Variants in ABR observed in about 807,000 individuals in gnomAD.
ABR encodes the protein ABR activator of RhoGEF and GTPase, also known as active breakpoint cluster region-related protein.
ABR carries 35 observed loss-of-function variants against 107.2 expected under a neutral mutation model. That is an observed-to-expected ratio of 0.33 (90% confidence interval 0.25 to 0.43). The LOEUF is 0.43. Among genes scored for constraint, ABR ranks in the 20% least tolerant of loss-of-function variants. The probability of loss-of-function intolerance (pLI) is 1.00; values close to 1 mark genes in which losing one functional copy is unlikely to be tolerated. For synonymous variants in ABR, 498 were observed against 462.0 expected, an observed-to-expected ratio of 1.08 and a Z score of -1.00; for missense variants, 815 against 1,115.2, an observed-to-expected ratio of 0.73 and a Z score of 3.83.
chr17:1,092,576 C>T lies in ABR; in HGVS notation c.346-726G>A, dbSNP rs540613375. Among the ~76,000 whole-genome samples the T allele has an allele frequency of 1.3e-5, 2 of 152,234 alleles. No individual in the cohort carries two copies. The highest frequency in any genetic ancestry group is 2.1e-4 in the South Asian group (1 of 4,822). On this transcript the variant is annotated intron_variant, in intron 3 of 22. Coordinates refer to ENST00000302538, the MANE Select transcript of ABR (RefSeq NM_021962.5). This position sits in a 1 kb window ranked among gnomAD's most constrained non-coding sequence, Gnocchi z 4.6. ...ACACAGACCAACCCCCAGCACTGGC[C>T]GGGAGCTGATGCCATCACCTTCCAG...
In ABR at chr17:1,051,346, C is replaced by A. The variant is rs1195033134; in HGVS notation, c.1562-712G>T. On this transcript the variant is annotated intron_variant, in intron 14 of 22. Transcript: ENST00000302538. The surrounding 1 kb of genome is among the most constrained non-coding windows in gnomAD (Gnocchi z 4.3). ...TGTACCCGCAGTACCAAGAACAGGG[C>A]TGGGAACCCAGCTGGCACACGGTGA... Among the ~76,000 whole-genome samples the A allele has an allele frequency of 2.0e-5, 3 of 151,292 alleles. No homozygotes were observed. The highest frequency in any genetic ancestry group is 7.3e-5 in the African/African-American group (3 of 41,278).
rs2035257139 is a variant in ABR, at chr17:1,071,748, T to C, written c.894+866A>G. ...CGGCATCACACTGGCCAGAGGCAGG[T>C]GTCTGCATTCAAGAATGAGGCACCC... On this transcript the variant is annotated intron_variant, in intron 8 of 22. Transcript: ENST00000302538. This position sits in a 1 kb window ranked among gnomAD's most constrained non-coding sequence, Gnocchi z 5.1. Among the ~76,000 whole-genome samples, 2 of 152,222 alleles carry C rather than the reference T, an allele frequency of 1.3e-5. No individual in the cohort carries two copies. The highest frequency in any genetic ancestry group is 1.3e-4 in the Admixed American group (2 of 15,278).
chr17:1,034,902 G>T (rs760117962), intron 16 of ABR, among the ~76,000 whole-genome samples: 3 of 152,084 alleles, frequency 2.0e-5, no homozygotes, highest in Non-Finnish European at 4.4e-5. Context: ...CGTTCCCAAG[G>T]CCCGGCACTC....
chr17:1,216,847 G>C (rs889710530), intron 1 of ABR, among the ~76,000 whole-genome samples: 1 of 152,172 alleles, frequency 6.6e-6, no homozygotes, highest in African/African-American at 2.4e-5. Flanking sequence ...CTCACTGCCA[G>C]CCCACAAAGG....
intron 2 of ABR, among the ~76,000 whole-genome samples, chr17:1,102,112 G>T (rs2037938043): frequency 6.6e-6 from 1 of 152,144 alleles, no homozygotes; most frequent in Non-Finnish European, 1.5e-5. Context: ...TGAGCCACCT[G>T]CAGTGGCCCG....
At chr17:1,100,851 T>C in intron 2 of ABR, 116 bp from the exon 3 acceptor site, 1 of 969,110 alleles carries the variant, frequency 1.0e-6, no homozygotes, top group South Asian at 1.4e-5. Flanking sequence ...TGAGACGAAG[T>C]CTCGCTCTGT....
upstream of ABR, among the ~76,000 whole-genome samples, chr17:1,189,754 G>T (rs913951069): frequency 1.3e-5 from 2 of 152,070 alleles, no homozygotes; most frequent in Admixed American, 6.6e-5. Context: ...GGCCTGCGTC[G>T]TTCCCTGCTT....
At chr17:1,083,105 CAG>C (rs1455128031) in intron 5 of ABR, among the ~76,000 whole-genome samples, 1 of 122,232 alleles carries the variant, frequency 8.2e-6, no homozygotes. Flanking sequence ...GCCTGGGCGA[CAG>C]AGCAAGACTC....
chr17:1,049,926 A>C, intron 16 of ABR, 124 bp downstream of exon 16: 1 of 1,358,142 alleles, frequency 7.4e-7, no homozygotes, highest in Non-Finnish European at 9.9e-7. Flanking sequence ...ACCTCCTGGG[A>C]ACTTTCCTCC....
At chr17:1,014,631 G>A (rs1259955839) in intron 16 of ABR, among the ~76,000 whole-genome samples, 2 of 151,192 alleles carry the variant, frequency 1.3e-5, no homozygotes, top group Non-Finnish European at 2.9e-5. Context: ...GAGGTCAGGA[G>A]ATCGAGACCA....
chr17:1,033,060 T>G (rs8069477), intron 16 of ABR, among the ~76,000 whole-genome samples: 1 of 152,100 alleles, frequency 6.6e-6, no homozygotes, highest in African/African-American at 2.4e-5. Context: ...GGGAGGTCCC[T>G]CCAAAGCCCT....
intron 2 of ABR, among the ~76,000 whole-genome samples, chr17:1,123,711 C>T (rs2039457446): frequency 6.6e-6 from 1 of 152,150 alleles, no homozygotes; most frequent in Non-Finnish European, 1.5e-5. Context: ...GCTCTGAGCC[C>T]TGCTGTGGTT....
intron 16 of ABR, among the ~76,000 whole-genome samples, chr17:1,047,593 C>A (rs532295812): frequency 6.6e-6 from 1 of 152,222 alleles, no homozygotes; most frequent in African/African-American, 2.4e-5. Context: ...CTGAACTGTC[C>A]GCTCACAGGC....
intron 18 of ABR, chr17:1,012,423 G>C (rs968187328): frequency 2.9e-5 from 20 of 682,160 alleles, no homozygotes; most frequent in Non-Finnish European, 4.6e-5. Context: ...CCGGCTGACA[G>C]AGCTTCCCGC....
chr17:1,049,928 C>A, intron 16 of ABR, 122 bp downstream of exon 16: 8 of 1,398,776 alleles, frequency 5.7e-6, no homozygotes, highest in Middle Eastern at 2.0e-4. Context: ...CTCCTGGGAA[C>A]TTTCCTCCAA....
chr17:1,182,492 C>T (rs957461492), upstream of ABR, among the ~76,000 whole-genome samples: 5 of 152,130 alleles, frequency 3.3e-5, no homozygotes, highest in Non-Finnish European at 4.4e-5. Context: ...CTCAGCCTCC[C>T]GAGTAGCTGG....
chr17:1,039,382 G>A (rs1312793294), intron 16 of ABR, among the ~76,000 whole-genome samples: 2 of 152,208 alleles, frequency 1.3e-5, no homozygotes, highest in Non-Finnish European at 2.9e-5. Flanking sequence ...GGCGATGGAG[G>A]CAGCTGAGCA....
chr17:1,076,719 G>T (rs11653390), intron 6 of ABR, among the ~76,000 whole-genome samples: 3 of 125,970 alleles, frequency 2.4e-5, no homozygotes, highest in East Asian at 4.9e-4. Context: ...GTGCACGGGG[G>T]GGGTGGGGGT....
At chr17:1,030,181 T>C (rs2072614191) in intron 16 of ABR, among the ~76,000 whole-genome samples, 1 of 152,240 alleles carries the variant, frequency 6.6e-6, no homozygotes, top group Non-Finnish European at 1.5e-5. Flanking sequence ...TTCTCAGTTC[T>C]GCCGGCCACA....
Sources: gnomAD v4.1 joint callset for allele counts (sites outside exome capture counted in the v4.1 genomes callset) on GRCh38, gnomAD v4.1.1 for gene constraint, Gnocchi (gnomAD v3.1) non-coding constraint, MANE v1.5 for transcripts, NCBI Gene and HGNC (gene_info 2026-07-23, HGNC 2026-07-21) for gene names.